CD84: variants seen among roughly 807,000 people sequenced by gnomAD.
CD84 encodes SLAM family member 5.
In CD84, 22 loss-of-function variants were observed where a neutral mutation model predicts 33.8. The ratio of observed to expected loss-of-function variants is 0.65; its 90% CI spans 0.46 to 0.93. The LOEUF is 0.93. CD84 is among the 40% of genes least tolerant of loss of function. The pLI is 0.00. For missense variants in CD84, 400 were observed against 397.6 expected, an observed-to-expected ratio of 1.01 and a Z score of -0.05; for synonymous variants, 154 against 145.2, an observed-to-expected ratio of 1.06 and a Z score of -0.44.
chr1:160,564,532 T>C (rs780184578), intron 2 of CD84, among the ~76,000 whole-genome samples: 17 of 152,368 alleles, frequency 1.1e-4, no homozygotes, highest in Non-Finnish European at 2.1e-4. Flanking sequence ...AAGAGGTGAA[T>C]GGTTAAACAA....
chr1:160,553,821 G>A (rs759013958), intron 3 of CD84, 74 bp downstream of exon 3: 37 of 1,606,288 alleles, frequency 2.3e-5, no homozygotes, highest in Non-Finnish European at 3.1e-5. Context: ...AGAGAATGTG[G>A]CCCACGTTCA....
At position 160,543,602 on chromosome 1, in the gene CD84, T is replaced by TTTATTATTTTTATTA; in HGVS notation, c.*4653_*4654insTAATAAAAATAATAA. On this transcript the variant is annotated 3_prime_UTR_variant, in exon 7 of 7. Transcript: ENST00000368054. ...ATCTTCAAGGAGCTCTCCATTATTA[T>TTTATTATTTTTATTA]TTATTATTATTATTATTATTATTAT... is the stretch of plus-strand genomic sequence containing the variant. 1 of 142,712 alleles carries TTTATTATTTTTATTA rather than the reference T, an allele frequency of 7.0e-6. No individual in the cohort carries two copies. 8.8% of individuals were successfully genotyped at this position (142,712 alleles called of 1,614,324 possible). A position where few individuals can be genotyped will look rare whatever the true frequency, so the allele number is the denominator to read the frequency against.
In CD84 at chr1:160,547,501, C is replaced by T. The variant is rs187610738; in HGVS notation, c.*755G>A. 13 of 260,294 alleles carry T rather than the reference C, an allele frequency of 5.0e-5. No homozygotes were observed. The Admixed American group carries it at 5.4e-4, about 11-fold the overall frequency. The allele number at this position is 260,294 out of a possible 1,614,324, so 16.1% of individuals were successfully genotyped here. ...CAGTCTCTAGACCCTGCAGAAAGAA[C>T]ATTTTCCAACACTCCATTTGGAGAG... is the stretch of plus-strand genomic sequence containing the variant. On this transcript the variant is annotated 3_prime_UTR_variant, in exon 7 of 7. Transcript: ENST00000368054.
At chr1:160,554,259 A>T in intron 2 of CD84, 113 bp from the exon 3 acceptor site, 1 of 1,061,002 alleles carries the variant, frequency 9.4e-7, no homozygotes, top group Non-Finnish European at 1.2e-6. Context: ...AAATTAAATT[A>T]TAAAAACATA....
rs534132952 is a variant in CD84 at position 160,546,769 on chromosome 1, T to A, written c.*1487A>T. The stretch of plus-strand genomic sequence containing the variant: ...GACTGTTCATGCTATTACTTGCAGC[T>A]GCAGTTCAGCGTTAACTGTAGTGTC... On this transcript the variant is annotated 3_prime_UTR_variant, in exon 7 of 7. Transcript: ENST00000368054. 1.0e-5 allele frequency: 2 copies of A among 194,226 alleles called. No individual in the cohort carries two copies. The highest frequency in any genetic ancestry group is 4.6e-5 in the African/African-American group (2 of 43,340). 12.0% of individuals were successfully genotyped at this position (194,226 alleles called of 1,614,324 possible).
Position 160,546,256 on chromosome 1 carries a change from G to A in CD84, c.*2000C>T, listed in dbSNP as rs1253032511. ...GCCTGCCTTGGCCTCCCAAAGTGTT[G>A]GGATTACAGGCGTGAGCCACCACCC... On this transcript the variant is annotated 3_prime_UTR_variant, in exon 7 of 7. Coordinates refer to ENST00000368054, the MANE Select transcript of CD84 (RefSeq NM_003874.4). 6.6e-6 allele frequency: 1 copy of A among 152,222 alleles called. No homozygotes were observed. The highest frequency in any genetic ancestry group is 1.5e-5 in the Non-Finnish European group (1 of 68,100). The allele number at this position is 152,222 out of a possible 1,614,324, so 9.4% of individuals were successfully genotyped here.
chr1:160,572,648 TG>T, intron 1 of CD84, among the ~76,000 whole-genome samples: 1 of 152,162 alleles, frequency 6.6e-6, no homozygotes, highest in Admixed American at 6.5e-5. Flanking sequence ...ATCAAGTGTT[TG>T]CTAACTACCC....
intron 1 of CD84, among the ~76,000 whole-genome samples, chr1:160,575,494 A>AACACACACACACACACACAC (rs3078967): frequency 1.4e-5 from 2 of 146,706 alleles, no homozygotes; most frequent in African/African-American, 5.0e-5. Context: ...GTTCCTTCAA[A>AACACACACACACACACACAC]ACACACACAC....
rs547616119 is a variant in CD84 at position 160,553,976 on chromosome 1, G to T, written c.559C>A (p.Gln187Lys). 1.2e-6 allele frequency: 2 copies of T among 1,614,152 alleles called. No individual in the cohort carries two copies. Among genetic ancestry groups the T allele is most frequent in the Admixed American group, 3.3e-5 (2 of 60,022 alleles). ...VLQIFQTPED[Q>K]ELTYTCTAQN... Reference sequence around the variant, plus strand: ...GCTGTACACGTGTAAGTCAGCTCTTGGTCCTCAGGAGTCTGGAAGATTTGA... The same window carrying T: ...GCTGTACACGTGTAAGTCAGCTCTTTGTCCTCAGGAGTCTGGAAGATTTGA... Residue 187 changes from glutamine (Q) to lysine (K), a missense_variant, in exon 3 of 7, where the codon CAA (glutamine) becomes AAA (lysine). Physicochemically the swap from Gln to Lys is moderately conservative, Grantham distance 53. Transcript: ENST00000368054.
Position 160,548,068 on chromosome 1 carries a change from T to C in CD84, c.*188A>G. The stretch of plus-strand genomic sequence containing the variant: ...CAGAAGGGAGTCATTTCAGGAAGGG[T>C]ATGCATCCATTTGTCCATTTAGGCA... On this transcript the variant is annotated 3_prime_UTR_variant, in exon 7 of 7. Transcript: ENST00000368054. The C allele has an allele frequency of 1.6e-6, 1 of 620,498 alleles. No individual in the cohort carries two copies. The highest frequency in any genetic ancestry group is 2.9e-6 in the Non-Finnish European group (1 of 347,514). 38.4% of individuals were successfully genotyped at this position (620,498 alleles called of 1,614,324 possible). A position where few individuals can be genotyped will look rare whatever the true frequency, so the allele number is the denominator to read the frequency against.
chr1:160,553,736 C>A, intron 3 of CD84, 159 bp downstream of exon 3: 1 of 1,212,884 alleles, frequency 8.2e-7, no homozygotes, highest in Non-Finnish European at 1.1e-6. Flanking sequence ...AAGGCTTTGG[C>A]CTCTTTCCCA....
At chr1:160,550,556 C>G in intron 5 of CD84, 16 of 918,300 alleles carry the variant, frequency 1.7e-5, no homozygotes, top group Non-Finnish European at 2.1e-5. Context: ...TCTGTTGCCT[C>G]GTAGCCCCCT....
At chr1:160,578,822 G>C (rs142510300) in intron 1 of CD84, among the ~76,000 whole-genome samples, 262 of 152,172 alleles carry the variant, frequency 1.7e-3, no homozygotes, top group Middle Eastern at 6.8e-3. Context: ...TGTAAAAAAT[G>C]GGATAGTAAT....
chr1:160,565,755 T>C lies in CD84; in HGVS notation c.47-10A>G, dbSNP rs1657286948. 2.6e-6 allele frequency: 4 copies of C among 1,565,546 alleles called. No homozygotes were observed. The highest frequency in any genetic ancestry group is 1.4e-5 in the African/African-American group (1 of 72,624). On this transcript the variant is annotated splice_polypyrimidine_tract_variant and intron_variant, in intron 1 of 6. Transcript: ENST00000368054. ...CCAGCTGCTTCCGGCCCTGAGAACATAAAAAGAAAACTGTAGCCATCTGAC... is the reference window on the plus strand; with the variant it reads ...CCAGCTGCTTCCGGCCCTGAGAACACAAAAAGAAAACTGTAGCCATCTGAC...
chr1:160,563,906 T>C (rs970058566), intron 2 of CD84, among the ~76,000 whole-genome samples: 3 of 152,142 alleles, frequency 2.0e-5, no homozygotes, highest in African/African-American at 7.2e-5. Flanking sequence ...GAGGCTACCA[T>C]AGTGAATAGG....
At chr1:160,550,561 C>A in intron 5 of CD84, 1 of 932,292 alleles carries the variant, frequency 1.1e-6, no homozygotes, top group Non-Finnish European at 1.3e-6. Context: ...TGCCTCGTAG[C>A]CCCCTTAGCA....
rs571102048 is a variant in CD84 at position 160,553,987 on chromosome 1, G to A, written c.548C>T (p.Thr183Ile). The A allele has an allele frequency of 1.2e-5, 19 of 1,614,206 alleles. No individual in the cohort carries two copies. In the South Asian group the frequency reaches 2.0e-4, roughly 17 times the overall value. ...EEGNVLQIFQ[T>I]PEDQELTYTC... is the part of the protein sequence containing the mutation. ...GTAAGTCAGCTCTTGGTCCTCAGGA[G>A]TCTGGAAGATTTGAAGGACATTACC... Residue 183 changes from threonine to isoleucine, a missense_variant, in exon 3 of 7, where the codon ACT (threonine) becomes ATT (isoleucine). Coordinates refer to ENST00000368054, the MANE Select transcript of CD84 (RefSeq NM_003874.4).
At chr1:160,551,140 G>A in intron 4 of CD84, 105 bp from the exon 5 acceptor site, 3 of 841,458 alleles carry the variant, frequency 3.6e-6, no homozygotes, top group Non-Finnish European at 6.0e-6. Flanking sequence ...AAGCCCCCAG[G>A]GATTAAATGG....
chr1:160,548,453 T>C (rs1441671684), intron 6 of CD84, 132 bp from the exon 7 acceptor site: 6 of 873,404 alleles, frequency 6.9e-6, no homozygotes, highest in East Asian at 5.3e-5. Context: ...GCTGGGGAAA[T>C]CTGGGGTAGC....
Sources: gnomAD v4.1 joint callset for allele counts (sites outside exome capture counted in the v4.1 genomes callset) on GRCh38, gnomAD v4.1.1 for gene constraint, MANE v1.5 for transcripts, NCBI Gene and HGNC (gene_info 2026-07-23, HGNC 2026-07-21) for gene names.